Variants in HUNK observed in about 807,000 individuals in gnomAD.
The protein encoded by HUNK is hormonally up-regulated neu tumor-associated kinase.
A neutral mutation model predicts 61.0 loss-of-function variants in HUNK; 21 were observed. That is an observed-to-expected ratio of 0.34 (90% CI 0.24 to 0.50). HUNK has a LOEUF of 0.50. Among genes scored for constraint, HUNK ranks in the 20% least tolerant of loss-of-function variants. HUNK has a pLI of 0.98. For synonymous variants in HUNK, 371 were observed against 386.1 expected, an observed-to-expected ratio of 0.96 and a Z score of 0.46; for missense variants, 772 against 945.7, an observed-to-expected ratio of 0.82 and a Z score of 2.41.
chr21:31,888,209 GTGTT>G (rs1237563921), intron 1 of HUNK, among the ~76,000 whole-genome samples: 6 of 152,180 alleles, frequency 3.9e-5, no homozygotes, highest in Non-Finnish European at 7.3e-5. Flanking sequence ...TTTCATCAGA[GTGTT>G]TGGAGTCCAA....
At chr21:31,923,987 A>G (rs1034384681) in intron 1 of HUNK, among the ~76,000 whole-genome samples, 3 of 152,088 alleles carry the variant, frequency 2.0e-5, no homozygotes, top group African/African-American at 7.2e-5. Context: ...GTGTCCCCCA[A>G]CCATGCCTTG....
intron 4 of HUNK, among the ~76,000 whole-genome samples, chr21:31,948,676 G>A (rs928452071): frequency 6.6e-6 from 1 of 152,144 alleles, no homozygotes; most frequent in Non-Finnish European, 1.5e-5. Flanking sequence ...GAGGAAGGAA[G>A]AGAAAAGGGA....
At chr21:31,997,774 T>C (rs2053216094) in intron 10 of HUNK, among the ~76,000 whole-genome samples, 1 of 152,194 alleles carries the variant, frequency 6.6e-6, no homozygotes, top group African/African-American at 2.4e-5. Flanking sequence ...AAACATGTCT[T>C]CCACTGTGGG....
chr21:31,874,460 CGGCAGCTAGGGAATGTTTTTT>C lies in HUNK; in HGVS notation c.261+540_261+560del, dbSNP rs1353593573. Among the ~76,000 whole-genome samples, 4 of 152,004 alleles carry C rather than the reference CGGCAGCTAGGGAATGTTTTTT, an allele frequency of 2.6e-5. No homozygotes were observed. The South Asian group carries it at 6.2e-4, about 24-fold the overall frequency. On this transcript the variant is annotated intron_variant, in intron 1 of 10. Coordinates refer to ENST00000270112, the MANE Select transcript of HUNK (RefSeq NM_014586.2). ...TGCATTCCTTCCCACCTGTGGGCTC[CGGCAGCTAGGGAATGTTTTTT>C]GGCAGCTAGGGAATTTTTCGTGCTC...
intron 1 of HUNK, among the ~76,000 whole-genome samples, chr21:31,916,048 T>TA (rs1185871351): frequency 2.3e-5 from 3 of 131,042 alleles, no homozygotes; most frequent in African/African-American, 8.8e-5. Context: ...GCTTTCTTTT[T>TA]TTTTTTTTTT....
intron 4 of HUNK, among the ~76,000 whole-genome samples, chr21:31,957,649 T>C (rs2052898705): frequency 6.6e-6 from 1 of 152,152 alleles, no homozygotes; most frequent in Non-Finnish European, 1.5e-5. Context: ...GGAAATCTCA[T>C]CAAAATGATA....
intron 9 of HUNK, among the ~76,000 whole-genome samples, chr21:31,993,264 G>C (rs1283375616): frequency 1.3e-5 from 2 of 152,110 alleles, no homozygotes; most frequent in African/African-American, 4.8e-5. Flanking sequence ...GACCCTAACT[G>C]GGTGGCGATA....
intron 1 of HUNK, among the ~76,000 whole-genome samples, chr21:31,900,295 T>G (rs1341903633): frequency 2.6e-5 from 4 of 152,142 alleles, no homozygotes; most frequent in African/African-American, 7.2e-5. Context: ...TGCCCTCCTC[T>G]GCCCAGCTGG....
At position 32,002,751 on chromosome 21, in the gene HUNK, A is replaced by T. The variant is rs2053254679; in HGVS notation, c.*3567A>T. On this transcript the variant is annotated 3_prime_UTR_variant, in exon 11 of 11. Transcript: ENST00000270112. ...AATTGTCCCAGTTACTGCTTCCTTC[A>T]TAACTGTTCACAAAACGTTTTTCAT... The T allele has an allele frequency of 6.6e-6, 1 of 152,190 alleles. No individual in the cohort carries two copies. The highest frequency in any genetic ancestry group is 2.4e-5 in the African/African-American group (1 of 41,438). The allele number at this position is 152,190 out of a possible 1,614,324, so 9.4% of individuals were successfully genotyped here.
In HUNK at chr21:31,943,371, T is replaced by C. The variant is rs1332639765; in HGVS notation, c.611-2665T>C. Among the ~76,000 whole-genome samples the C allele has an allele frequency of 2.0e-5, 3 of 152,196 alleles. No individual in the cohort carries two copies. The East Asian group carries it at 5.8e-4, about 29-fold the overall frequency. On this transcript the variant is annotated intron_variant, in intron 3 of 10. Transcript: ENST00000270112. ...CACTTGGGCGTTTTGTGAGATTCAT[T>C]CTGTAGCTCTCAGAAAATTGAGTCG... is the stretch of plus-strand genomic sequence containing the variant.
chr21:31,976,240 A>G (rs1355980435), intron 7 of HUNK, among the ~76,000 whole-genome samples: 2 of 152,174 alleles, frequency 1.3e-5, no homozygotes, highest in African/African-American at 4.8e-5. Flanking sequence ...TGCCTTGCTC[A>G]TAGAAAGCTA....
At position 32,001,100 on chromosome 21, in the gene HUNK, C is replaced by T. The variant is rs546879513; in HGVS notation, c.*1916C>T. On this transcript the variant is annotated 3_prime_UTR_variant, in exon 11 of 11. Coordinates refer to ENST00000270112, the MANE Select transcript of HUNK (RefSeq NM_014586.2). ...CAGCCTGGGCAACATGGTGAAAGCC[C>T]GTCTCTACCGAAAAATACAAAAAAA... is the stretch of plus-strand genomic sequence containing the variant. 23 of 156,996 alleles carry T rather than the reference C, an allele frequency of 1.5e-4. No individual in the cohort carries two copies. In the East Asian group the frequency reaches 2.8e-3, roughly 19 times the overall value. 9.7% of individuals were successfully genotyped at this position (156,996 alleles called of 1,614,324 possible).
chr21:31,998,419 C>T, intron 10 of HUNK, 107 bp from the exon 11 acceptor site: 6 of 1,125,968 alleles, frequency 5.3e-6, no homozygotes, highest in Non-Finnish European at 6.3e-6. Flanking sequence ...TTCTTCTGAC[C>T]TTGGCGGGAA....
chr21:31,987,218 C>T (rs752388279), intron 8 of HUNK, among the ~76,000 whole-genome samples: 10 of 152,194 alleles, frequency 6.6e-5, no homozygotes, highest in Non-Finnish European at 1.2e-4. Context: ...ACACATATGA[C>T]GTTATCATCA....
rs1184313706 is a variant in HUNK, at chr21:32,002,327, G to C, written c.*3143G>C. The C allele has an allele frequency of 6.6e-6, 1 of 152,252 alleles. No individual in the cohort carries two copies. The highest frequency in any genetic ancestry group is 2.4e-5 in the African/African-American group (1 of 41,434). 9.4% of individuals were successfully genotyped at this position (152,252 alleles called of 1,614,324 possible). The stretch of plus-strand genomic sequence containing the variant: ...TGATCTCAAACTCCTGGGCTCCAAC[G>C]ATCTGCCCACCTTGGCCTCCCAAAG... On this transcript the variant is annotated 3_prime_UTR_variant, in exon 11 of 11. Transcript: ENST00000270112.
In HUNK at chr21:32,001,118, C is replaced by CAA. The variant is rs11446165; in HGVS notation, c.*1942_*1943dup. On this transcript the variant is annotated 3_prime_UTR_variant, in exon 11 of 11. Transcript: ENST00000270112. The stretch of plus-strand genomic sequence containing the variant: ...GAAAGCCCGTCTCTACCGAAAAATA[C>CAA]AAAAAAAAATAGCTGGGTGTGGTGG... 0.18 allele frequency: 27,868 copies of CAA among 152,902 alleles called. 3,212 individuals carry two copies. The highest frequency in any genetic ancestry group is 0.28 in the South Asian group (1,303 of 4,658). 9.5% of individuals were successfully genotyped at this position (152,902 alleles called of 1,614,324 possible). A position where few individuals can be genotyped will look rare whatever the true frequency, so the allele number is the denominator to read the frequency against.
chr21:31,950,036 T>C (rs747168462), intron 4 of HUNK, among the ~76,000 whole-genome samples: 2 of 152,184 alleles, frequency 1.3e-5, no homozygotes, highest in Admixed American at 1.3e-4. Context: ...GAGCCACGAT[T>C]TGACCTACGT....
At chr21:31,984,020 A>G (rs1003250156) in intron 8 of HUNK, among the ~76,000 whole-genome samples, 8 of 152,130 alleles carry the variant, frequency 5.3e-5, no homozygotes, top group African/African-American at 1.7e-4. Flanking sequence ...TGTGAGTGAA[A>G]CTAGCAAAAA....
intron 2 of HUNK, among the ~76,000 whole-genome samples, 183 bp from the exon 3 acceptor site, chr21:31,939,982 C>T (rs1000186931): frequency 6.6e-6 from 1 of 152,056 alleles, no homozygotes; most frequent in Admixed American, 6.5e-5. Context: ...TTATAGTCTA[C>T]AGCAATTAAT....
Sources: allele counts gnomAD v4.1 joint callset (sites outside exome capture counted in the v4.1 genomes callset), GRCh38; gene constraint gnomAD v4.1.1; transcripts MANE v1.5; gene names NCBI Gene and HGNC (gene_info 2026-07-23, HGNC 2026-07-21).